MRTFB: variants seen among roughly 807,000 people sequenced by gnomAD.
MRTFB encodes myocardin related transcription factor B.
A neutral mutation model predicts 104.2 loss-of-function variants in MRTFB; 29 were observed. The ratio of observed to expected loss-of-function variants is 0.28; its 90% CI spans 0.21 to 0.38. The LOEUF (loss-of-function observed/expected upper bound fraction) is 0.38, where lower values mean the gene tolerates loss of function less well. Ranked by LOEUF, MRTFB falls within the 10% of genes least tolerant of loss-of-function variation. MRTFB has a pLI of 1.00. For synonymous variants in MRTFB, 535 were observed against 519.5 expected (o/e 1.03, Z -0.41); for missense variants, 1,270 against 1,341.6 (o/e 0.95, Z 0.83).
chr16:14,225,118 G>A (rs1037816281), intron 8 of MRTFB, among the ~76,000 whole-genome samples: 1 of 152,164 alleles, frequency 6.6e-6, no homozygotes, highest in African/African-American at 2.4e-5. Flanking sequence ...TCCAGGAGGT[G>A]GAGGTTGTGG....
rs759607716 is a variant in MRTFB at position 14,246,455 on chromosome 16, C to T, written c.1213-18C>T. On this transcript the variant is annotated intron_variant, in intron 11 of 16. Coordinates refer to ENST00000571589, the MANE Select transcript of MRTFB (RefSeq NM_001308142.2). ...GAAAGCTCTAATACTAAGATATCTG[C>T]TTTGTTTGTACCTCCAGGTATCAGA... 1.9e-6 allele frequency: 3 copies of T among 1,610,386 alleles called. No homozygotes were observed. In the Admixed American group the frequency reaches 5.0e-5, roughly 27 times the overall value.
chr16:14,227,951 TAAAAA>T (rs369511525), intron 8 of MRTFB, among the ~76,000 whole-genome samples: 51 of 134,574 alleles, frequency 3.8e-4, no homozygotes, highest in African/African-American at 1.3e-3. Flanking sequence ...CAGTCTATCT[TAAAAA>T]AAAAAAAAAA....
chr16:14,232,350 G>A (rs757059086), intron 8 of MRTFB, among the ~76,000 whole-genome samples: 6 of 152,150 alleles, frequency 3.9e-5, no homozygotes, highest in African/African-American at 7.2e-5. Context: ...AACCAACCAC[G>A]TAAAGTCATA....
the MRTFB span, among the ~76,000 whole-genome samples, chr16:14,048,258 C>G: frequency 6.6e-6 from 1 of 152,190 alleles, no homozygotes. Context: ...TGGTGAAGGT[C>G]AGTCAGCCAA....
chr16:14,029,657 T>C, the MRTFB span, among the ~76,000 whole-genome samples: 1 of 152,006 alleles, frequency 6.6e-6, no homozygotes, highest in African/African-American at 2.4e-5. Flanking sequence ...ATCGTCACTG[T>C]GTACGCACAT....
At chr16:14,258,912 A>G (rs1228010221) in intron 16 of MRTFB, among the ~76,000 whole-genome samples, 1 of 152,236 alleles carries the variant, frequency 6.6e-6, no homozygotes, top group Non-Finnish European at 1.5e-5. Flanking sequence ...ATAAAAATCA[A>G]TATTTAAAAA....
chr16:14,143,152 T>G (rs1332359523), intron 3 of MRTFB: 1 of 149,714 alleles, frequency 6.7e-6, no homozygotes, highest in Non-Finnish European at 1.5e-5. Flanking sequence ...GATTTGGCAC[T>G]GAACATTTCT....
chr16:14,000,033 G>A, the MRTFB span, among the ~76,000 whole-genome samples: 1 of 152,166 alleles, frequency 6.6e-6, no homozygotes, highest in African/African-American at 2.4e-5. Flanking sequence ...TCATGGAAAG[G>A]CAGAGGAAGC....
the MRTFB span, among the ~76,000 whole-genome samples, chr16:14,025,482 A>G: frequency 6.6e-6 from 1 of 152,176 alleles, no homozygotes; most frequent in Non-Finnish European, 1.5e-5. Flanking sequence ...ACACCTGGTA[A>G]GATCTTGTTA....
At chr16:14,017,796 A>G in the MRTFB span, among the ~76,000 whole-genome samples, 4 of 140,056 alleles carry the variant, frequency 2.9e-5, no homozygotes, top group Non-Finnish European at 4.6e-5. Flanking sequence ...GCTCACTGCA[A>G]CCTCCTCAAA....
chr16:14,030,888 C>G, the MRTFB span, among the ~76,000 whole-genome samples: 5 of 152,260 alleles, frequency 3.3e-5, no homozygotes, highest in African/African-American at 1.2e-4. Context: ...AGGAATCCTG[C>G]AGGTTAGGAA....
rs551406109 is a variant in MRTFB at position 14,185,644 on chromosome 16, A to G, written c.155-24599A>G. On this transcript the variant is annotated intron_variant, in intron 3 of 16. Transcript: ENST00000571589. ...CTACAGATGTTTATTGAGAACACCTAATATTCCAAGCACTCTGCTAGAAGT... is the reference window on the plus strand; with the variant it reads ...CTACAGATGTTTATTGAGAACACCTGATATTCCAAGCACTCTGCTAGAAGT... 2.6e-5 allele frequency among the ~76,000 whole-genome samples: 4 copies of G among 152,188 alleles called. No homozygotes were observed. In the East Asian group the frequency reaches 7.7e-4, roughly 29 times the overall value.
chr16:14,135,471 C>A (rs577161103), intron 2 of MRTFB, among the ~76,000 whole-genome samples: 1 of 152,350 alleles, frequency 6.6e-6, no homozygotes, highest in South Asian at 2.1e-4. Context: ...TTGTAGCCTA[C>A]TAGCCATAGG....
intron 2 of MRTFB, among the ~76,000 whole-genome samples, chr16:14,135,976 G>A (rs576633390): frequency 2.0e-5 from 3 of 152,072 alleles, no homozygotes; most frequent in African/African-American, 7.2e-5. Context: ...AATTCTTTAG[G>A]TTCCTAAATA....
rs79156133 is a variant in MRTFB, at chr16:14,083,527, T to C, written c.-64+4173T>C. ...GGGGCCATGGAGGTCTTCTGGGTAC[T>C]GGGTTTTACTGTGTTGGGCCTGGTG... On this transcript the variant is annotated intron_variant, in intron 2 of 16. Transcript: ENST00000571589. Among the ~76,000 whole-genome samples the C allele has an allele frequency of 1.1e-3, 163 of 152,298 alleles. No homozygotes were observed. In the East Asian group the frequency reaches 0.014, roughly 13 times the overall value.
Position 14,261,345 on chromosome 16 carries a change from C to CA in MRTFB, c.3203dup (p.Asn1068LysfsTer20). ...TGGAGTGGTTGGACATTACCATGCC[C>CA]AACTCCTCTTCAGGACTCACTCCTC... On this transcript the variant is annotated frameshift_variant, in exon 17 of 17. Transcript: ENST00000571589. LOFTEE classifies it high-confidence loss of function. The CA allele has an allele frequency of 6.2e-7, 1 of 1,614,182 alleles. No homozygotes were observed. The highest frequency in any genetic ancestry group is 8.5e-7 in the Non-Finnish European group (1 of 1,180,034).
chr16:14,019,770 C>T, the MRTFB span, among the ~76,000 whole-genome samples: 3 of 152,118 alleles, frequency 2.0e-5, no homozygotes, highest in African/African-American at 4.8e-5. Flanking sequence ...CAGCGTTAAT[C>T]GATCCCGCTG....
At chr16:14,124,521 A>C (rs951088792) in intron 2 of MRTFB, among the ~76,000 whole-genome samples, 1 of 152,198 alleles carries the variant, frequency 6.6e-6, no homozygotes. Flanking sequence ...TATTGAGATA[A>C]TCATGTGGTT....
intron 2 of MRTFB, among the ~76,000 whole-genome samples, chr16:14,103,878 A>G (rs767485339): frequency 3.3e-5 from 5 of 152,244 alleles, no homozygotes; most frequent in Admixed American, 6.5e-5. Flanking sequence ...CTGTAGAGAA[A>G]TATTAAGAAT....
Sources: gnomAD v4.1 joint callset for allele counts (sites outside exome capture counted in the v4.1 genomes callset) on GRCh38, gnomAD v4.1.1 for gene constraint, MANE v1.5 for transcripts, NCBI Gene and HGNC (gene_info 2026-07-23, HGNC 2026-07-21) for gene names.